Variants in ELP4 observed in about 807,000 individuals in gnomAD.
ELP4 encodes the protein elongator acetyltransferase complex subunit 4, also known as elongator complex protein 4.
Under a neutral mutation model 48.9 loss-of-function variants are expected in ELP4, and 51 were observed. The ratio of observed to expected loss-of-function variants is 1.04; its 90% CI spans 0.83 to 1.32. The LOEUF (loss-of-function observed/expected upper bound fraction) is 1.32. Ranked by LOEUF, ELP4 falls within the 40% of genes most tolerant of loss-of-function variation. The probability of loss-of-function intolerance (pLI) is 0.00; values close to 1 mark genes in which losing one functional copy is unlikely to be tolerated. For missense variants in ELP4, 519 were observed against 514.6 expected (o/e 1.01, Z -0.08); for synonymous variants, 210 against 189.2 (o/e 1.11, Z -0.90).
chr11:31,774,669 C>G (rs1390983860), intron 9 of ELP4, among the ~76,000 whole-genome samples: 1 of 152,232 alleles, frequency 6.6e-6, no homozygotes, highest in Non-Finnish European at 1.5e-5. Flanking sequence ...CAAGCTATCA[C>G]AAGCATAACA....
intron 9 of ELP4, among the ~76,000 whole-genome samples, chr11:31,721,693 G>T (rs1164538311): frequency 6.6e-6 from 1 of 151,414 alleles, no homozygotes. Flanking sequence ...TAATCAATTG[G>T]AAAATATCAA....
intron 9 of ELP4, among the ~76,000 whole-genome samples, chr11:31,716,460 A>G (rs779962226): frequency 2.6e-5 from 4 of 152,204 alleles, no homozygotes; most frequent in Non-Finnish European, 5.9e-5. Context: ...GGGGATAAAT[A>G]TAGTTTCTAT....
In ELP4 at chr11:31,788,953, T is replaced by C. The variant is rs1388477931; in HGVS notation, c.*5429T>C. 1 of 199,952 alleles carries C rather than the reference T, an allele frequency of 5.0e-6. No homozygotes were observed. The highest frequency in any genetic ancestry group is 7.8e-5 in the East Asian group (1 of 12,788). 12.4% of individuals were successfully genotyped at this position (199,952 alleles called of 1,614,324 possible). On this transcript the variant is annotated 3_prime_UTR_variant, in exon 10 of 10. Transcript: ENST00000640961. ...TGTATAATAAAGGAAATACAAAGGC[T>C]TTGGCATGGTTTTTTACAATCAACA...
At chr11:31,525,270 T>A (rs1956279397) in intron 2 of ELP4, among the ~76,000 whole-genome samples, 1 of 152,212 alleles carries the variant, frequency 6.6e-6, no homozygotes, top group Non-Finnish European at 1.5e-5. Context: ...TAGTAGAACT[T>A]TGTTAAAGGA....
At chr11:31,580,075 G>A (rs1957362341) in intron 3 of ELP4, among the ~76,000 whole-genome samples, 2 of 152,144 alleles carry the variant, frequency 1.3e-5, no homozygotes, top group Admixed American at 6.6e-5. Flanking sequence ...AGGTAAGCAG[G>A]CTAGAGAGGT....
chr11:31,689,272 C>G (rs1473258224), intron 9 of ELP4: 1 of 151,986 alleles, frequency 6.6e-6, no homozygotes, highest in Non-Finnish European at 1.5e-5. Flanking sequence ...AAGACCTCGA[C>G]TCTACAAAAA....
intron 9 of ELP4, among the ~76,000 whole-genome samples, chr11:31,713,914 A>T (rs1946791204): frequency 1.3e-5 from 2 of 152,170 alleles, no homozygotes; most frequent in Admixed American, 6.6e-5. Context: ...ATAACAAACA[A>T]TAATGTGCAA....
At chr11:31,605,234 C>T (rs1957852142) in intron 5 of ELP4, among the ~76,000 whole-genome samples, 1 of 151,914 alleles carries the variant, frequency 6.6e-6, no homozygotes, top group Non-Finnish European at 1.5e-5. Flanking sequence ...TAACCTTGGG[C>T]AAATCACCTA....
At chr11:31,770,960 G>A (rs1031415595) in intron 9 of ELP4, among the ~76,000 whole-genome samples, 10 of 151,944 alleles carry the variant, frequency 6.6e-5, no homozygotes, top group Non-Finnish European at 1.2e-4. Context: ...AATAAGGGAG[G>A]AGAATTCTTA....
chr11:31,760,462 T>C (rs1247930984), intron 9 of ELP4, among the ~76,000 whole-genome samples: 1 of 152,232 alleles, frequency 6.6e-6, no homozygotes, highest in Non-Finnish European at 1.5e-5. Flanking sequence ...CTTTCTTGCT[T>C]TGGCAAGTTC....
Position 31,589,888 on chromosome 11 carries a change from TATC to T in ELP4, c.382-4879_382-4877del, listed in dbSNP as rs1375245391. Among the ~76,000 whole-genome samples, 9 of 152,322 alleles carry T rather than the reference TATC, an allele frequency of 5.9e-5. 1 individual carries two copies. In the East Asian group the frequency reaches 1.5e-3, roughly 26 times the overall value. ...CATTATAATTTTTATGATACATTAT[TATC>T]ATGTGACCTATTATTTATTTGTTTG... is the stretch of plus-strand genomic sequence containing the variant. On this transcript the variant is annotated intron_variant, in intron 3 of 9. Transcript: ENST00000640961.
intron 5 of ELP4, among the ~76,000 whole-genome samples, chr11:31,620,087 T>G (rs1456552323): frequency 6.6e-6 from 1 of 152,016 alleles, no homozygotes; most frequent in Non-Finnish European, 1.5e-5. Context: ...AAAGAGAAAG[T>G]ATGACATTGT....
At chr11:31,519,389 C>G (rs1261917541) in intron 1 of ELP4, among the ~76,000 whole-genome samples, 1 of 152,184 alleles carries the variant, frequency 6.6e-6, no homozygotes, top group Non-Finnish European at 1.5e-5. Flanking sequence ...TTACTGTACA[C>G]ATTTAAGTCT....
At chr11:31,667,826 C>T (rs543637374) in intron 9 of ELP4, among the ~76,000 whole-genome samples, 2 of 152,212 alleles carry the variant, frequency 1.3e-5, no homozygotes, top group South Asian at 2.1e-4. Flanking sequence ...TACACTGACT[C>T]GTGCTACTCA....
At chr11:31,723,290 T>C (rs1341832685) in intron 9 of ELP4, among the ~76,000 whole-genome samples, 1 of 152,030 alleles carries the variant, frequency 6.6e-6, no homozygotes, top group Non-Finnish European at 1.5e-5. Flanking sequence ...GGACTACCCA[T>C]CCTAGAGGCC....
chr11:31,560,935 C>A (rs893049567), intron 3 of ELP4, among the ~76,000 whole-genome samples: 7 of 151,928 alleles, frequency 4.6e-5, no homozygotes, highest in Non-Finnish European at 1.0e-4. Context: ...AGGTTGGTAG[C>A]CTAGCAGCAG....
intron 9 of ELP4, chr11:31,653,696 A>G (rs1030446060): frequency 6.6e-6 from 1 of 151,778 alleles, no homozygotes; most frequent in African/African-American, 2.4e-5. Context: ...TTTTAAAAAT[A>G]GTGCAAATAA....
At chr11:31,559,363 G>A (rs1210377131) in intron 3 of ELP4, among the ~76,000 whole-genome samples, 1 of 152,158 alleles carries the variant, frequency 6.6e-6, no homozygotes, top group African/African-American at 2.4e-5. Flanking sequence ...AGAGGCCTTT[G>A]AAATGTGTTT....
intron 9 of ELP4, among the ~76,000 whole-genome samples, chr11:31,728,140 A>G (rs1352294725): frequency 6.6e-6 from 1 of 152,192 alleles, no homozygotes; most frequent in Non-Finnish European, 1.5e-5. Context: ...TATTTGCTTT[A>G]TATCATTAAT....
Sources: allele counts gnomAD v4.1 joint callset (sites outside exome capture counted in the v4.1 genomes callset), GRCh38; gene constraint gnomAD v4.1.1; transcripts MANE v1.5; gene names NCBI Gene and HGNC (gene_info 2026-07-23, HGNC 2026-07-21).